The following THRB variants were observed in gnomAD, a reference collection of about 807,000 sequenced individuals.
THRB encodes thyroid hormone receptor beta, also known as nuclear receptor subfamily 1 group A member 2.
A neutral mutation model predicts 47.8 loss-of-function variants in THRB; 12 were observed. The ratio of observed to expected loss-of-function variants is 0.25; its 90% CI spans 0.16 to 0.41. The LOEUF is 0.41. Among genes scored for constraint, THRB ranks in the 10% least tolerant of loss-of-function variants. The pLI is 1.00. For synonymous variants in THRB, 218 were observed against 212.2 expected (o/e 1.03, Z -0.24); for missense variants, 348 against 589.2 (o/e 0.59, Z 4.24).
At chr3:24,430,434 A>G (rs2070263630) in intron 1 of THRB, among the ~76,000 whole-genome samples, 1 of 152,080 alleles carries the variant, frequency 6.6e-6, no homozygotes, top group East Asian at 1.9e-4. Flanking sequence ...GAAAAATGGA[A>G]TCAGATCCCT....
intron 4 of THRB, among the ~76,000 whole-genome samples, chr3:24,214,757 C>G (rs1233100847): frequency 6.6e-6 from 1 of 152,188 alleles, no homozygotes; most frequent in African/African-American, 2.4e-5. Context: ...TCCTCACCAT[C>G]TCTGAAGACC....
chr3:24,396,905 C>T (rs1560096938), intron 1 of THRB, among the ~76,000 whole-genome samples: 2 of 152,036 alleles, frequency 1.3e-5, no homozygotes, highest in South Asian at 4.2e-4. Context: ...GCTATCAATA[C>T]CAGATATAAA....
chr3:24,469,957 A>G (rs2074437267), intron 1 of THRB, among the ~76,000 whole-genome samples: 1 of 152,210 alleles, frequency 6.6e-6, no homozygotes, highest in African/African-American at 2.4e-5. Context: ...ATAGTGTAGA[A>G]TTTTAAAGTC....
intron 3 of THRB, among the ~76,000 whole-genome samples, chr3:24,267,683 C>T (rs147894659): frequency 7.6e-4 from 116 of 152,262 alleles, no homozygotes; most frequent in African/African-American, 2.6e-3. Context: ...AGAATAATCC[C>T]GGTAGGTTGG....
At chr3:24,483,929 A>T (rs1484968741) in intron 1 of THRB, 2 of 152,228 alleles carry the variant, frequency 1.3e-5, no homozygotes, top group Non-Finnish European at 2.9e-5. Flanking sequence ...TCACCAAGGG[A>T]ATGTGAGCAA....
At chr3:24,257,791 C>T (rs1010159423) in intron 3 of THRB, among the ~76,000 whole-genome samples, 9 of 152,220 alleles carry the variant, frequency 5.9e-5, no homozygotes, top group African/African-American at 1.9e-4. Context: ...TGAATGCACA[C>T]TGTTAGACAC....
At chr3:24,426,555 C>T (rs1391535364) in intron 1 of THRB, among the ~76,000 whole-genome samples, 1 of 151,816 alleles carries the variant, frequency 6.6e-6, no homozygotes, top group Non-Finnish European at 1.5e-5. Context: ...CCACCTTCAG[C>T]AGACAAGCCA....
At chr3:24,173,391 G>T (rs76325779) in intron 5 of THRB, among the ~76,000 whole-genome samples, 1 of 152,126 alleles carries the variant, frequency 6.6e-6, no homozygotes, top group African/African-American at 2.4e-5. Context: ...TAGGAAGAAC[G>T]GCGTGCTCCA....
rs565201323 is a variant in THRB, at chr3:24,158,040, A to T, written c.284-5550T>A. ...TATAATGCGTTTGAGTTGGAATGTT[A>T]ATCAAAAGGGCACACATTCTGGCAG... On this transcript the variant is annotated intron_variant, in intron 5 of 10. Transcript: ENST00000646209. 2.0e-5 allele frequency among the ~76,000 whole-genome samples: 3 copies of T among 152,366 alleles called. No individual in the cohort carries two copies. The South Asian group carries it at 6.2e-4, about 32-fold the overall frequency.
Position 24,190,149 on chromosome 3 carries a change from G to A in THRB, c.208C>T (p.Leu70=). The part of the protein sequence containing the change: ...QTTWTSSIFH[L]DHDDVNDQSV... ...TGGTCGTTCACATCATCATGGTCCA[G>A]ATGGAATATTGAGCTAGTCCAAGTG... The change falls in exon 5 of 11, where the codon CTG becomes TTG. Residue 70 remains leucine, a synonymous_variant. Coordinates refer to ENST00000646209, the MANE Select transcript of THRB (RefSeq NM_001354712.2). 1 of 1,614,096 alleles carries A rather than the reference G, an allele frequency of 6.2e-7. No individual in the cohort carries two copies. Among genetic ancestry groups the A allele is most frequent in the Non-Finnish European group, 8.5e-7 (1 of 1,179,950 alleles).
intron 1 of THRB, among the ~76,000 whole-genome samples, chr3:24,470,036 G>A (rs1265492390): frequency 6.6e-6 from 1 of 152,156 alleles, no homozygotes; most frequent in Non-Finnish European, 1.5e-5. Context: ...GGGTCATTTA[G>A]AATCCAAGAA....
Position 24,260,682 on chromosome 3 carries a change from T to G in THRB, c.-42-31681A>C, listed in dbSNP as rs575097584. ...CAGTTCTTCCCCAGGTCACTGACTC[T>G]TCCATTCTCCTAGACAACTGTATCA... On this transcript the variant is annotated intron_variant, in intron 3 of 10. Transcript: ENST00000646209. 3.9e-5 allele frequency among the ~76,000 whole-genome samples: 6 copies of G among 152,266 alleles called. No homozygotes were observed. The East Asian group carries it at 9.6e-4, about 24-fold the overall frequency.
chr3:24,125,476 A>G (rs944532436), intron 10 of THRB, among the ~76,000 whole-genome samples: 3 of 152,362 alleles, frequency 2.0e-5, no homozygotes, highest in African/African-American at 7.2e-5. Flanking sequence ...AATTACCATG[A>G]GTCCCTCCAG....
intron 5 of THRB, among the ~76,000 whole-genome samples, chr3:24,179,749 TA>T (rs2041650009): frequency 6.6e-6 from 1 of 152,152 alleles, no homozygotes; most frequent in South Asian, 2.1e-4. Flanking sequence ...TTTGATTCAT[TA>T]AAAAAGGGGG....
intron 2 of THRB, among the ~76,000 whole-genome samples, chr3:24,316,455 C>T (rs979420367): frequency 1.3e-5 from 2 of 151,674 alleles, no homozygotes; most frequent in Non-Finnish European, 2.9e-5. Flanking sequence ...CCCTCTCCCC[C>T]TTTTTTCTTC....
intron 3 of THRB, among the ~76,000 whole-genome samples, chr3:24,241,259 C>T (rs2049466621): frequency 6.6e-6 from 1 of 152,164 alleles, no homozygotes; most frequent in Non-Finnish European, 1.5e-5. Flanking sequence ...GAGGGGTTTT[C>T]ACGGCAGAAT....
At chr3:24,204,320 T>C (rs1467151579) in intron 4 of THRB, among the ~76,000 whole-genome samples, 1 of 152,196 alleles carries the variant, frequency 6.6e-6, no homozygotes, top group East Asian at 1.9e-4. Flanking sequence ...AGAGGAATGA[T>C]CAGGCAGCAA....
intron 1 of THRB, among the ~76,000 whole-genome samples, chr3:24,473,926 G>A (rs1408134859): frequency 2.6e-5 from 4 of 152,116 alleles, no homozygotes; most frequent in African/African-American, 9.7e-5. Context: ...ACACAGGGAG[G>A]GGAACATCAT....
intron 1 of THRB, among the ~76,000 whole-genome samples, chr3:24,360,065 C>T (rs1327244991): frequency 6.6e-6 from 1 of 152,110 alleles, no homozygotes; most frequent in African/African-American, 2.4e-5. Context: ...TTCAAAGACC[C>T]CTAAAGATGT....
Sources: allele counts gnomAD v4.1 joint callset (sites outside exome capture counted in the v4.1 genomes callset), GRCh38; gene constraint gnomAD v4.1.1; transcripts MANE v1.5; gene names NCBI Gene and HGNC (gene_info 2026-07-23, HGNC 2026-07-21).